TRPM3: variants seen among roughly 807,000 people sequenced by gnomAD.
TRPM3 encodes long transient receptor potential channel 3.
A neutral mutation model predicts 181.2 loss-of-function variants in TRPM3; 77 were observed. The ratio of observed to expected loss-of-function variants is 0.42; its 90% CI spans 0.35 to 0.51. The LOEUF (loss-of-function observed/expected upper bound fraction) is 0.51. TRPM3 is among the 20% of genes least tolerant of loss of function. TRPM3 has a pLI of 0.01. For synonymous variants in TRPM3, 745 were observed against 796.4 expected, an observed-to-expected ratio of 0.94 and a Z score of 1.09; for missense variants, 1,759 against 2,196.7, an observed-to-expected ratio of 0.80 and a Z score of 3.98.
At position 71,250,800 on chromosome 9, in the gene TRPM3, G is replaced by T. The variant is rs570421050; in HGVS notation, c.183+195853C>A. Among the ~76,000 whole-genome samples the T allele has an allele frequency of 1.8e-4, 28 of 152,182 alleles. 1 individual carries two copies. Among genetic ancestry groups the T allele is most frequent in the Non-Finnish European group, 3.5e-4 (24 of 68,022 alleles). ...GCAAAGGTCCTAAGATTCATTGGGGGAGGGGAGGTAGGCAGAGTAGCTACA... is the reference window on the plus strand; with the variant it reads ...GCAAAGGTCCTAAGATTCATTGGGGTAGGGGAGGTAGGCAGAGTAGCTACA... On this transcript the variant is annotated intron_variant, in intron 1 of 24. Transcript: ENST00000357533.
intron 8 of TRPM3, among the ~76,000 whole-genome samples, chr9:70,752,803 T>C (rs2076414724): frequency 6.6e-6 from 1 of 152,118 alleles, no homozygotes; most frequent in South Asian, 2.1e-4. Flanking sequence ...CTATGTTGTC[T>C]AGGTTTTTAG....
At chr9:71,099,320 C>T (rs113121625) in intron 1 of TRPM3, among the ~76,000 whole-genome samples, 1 of 152,172 alleles carries the variant, frequency 6.6e-6, no homozygotes, top group African/African-American at 2.4e-5. Context: ...TAGTTACCTC[C>T]CCAAAGATTC....
chr9:71,040,653 C>T (rs780485718), intron 1 of TRPM3, among the ~76,000 whole-genome samples: 12 of 152,132 alleles, frequency 7.9e-5, no homozygotes, highest in Non-Finnish European at 1.6e-4. Flanking sequence ...ATATTTACAT[C>T]ATTGCAAAAT....
intron 9 of TRPM3, among the ~76,000 whole-genome samples, chr9:70,681,055 TC>T (rs140741753): frequency 0.067 from 10,218 of 152,198 alleles, 479 homozygotes; most frequent in African/African-American, 0.13. Flanking sequence ...TTCTCCTTCT[TC>T]TCAATGGTTT....
chr9:71,122,066 A>G (rs1229853061), upstream of TRPM3, among the ~76,000 whole-genome samples: 2 of 152,206 alleles, frequency 1.3e-5, no homozygotes, highest in East Asian at 3.9e-4. Flanking sequence ...CATACAAAGC[A>G]GTTTAAACTC....
chr9:70,565,229 A>G (rs2050245443), intron 22 of TRPM3, among the ~76,000 whole-genome samples: 1 of 152,240 alleles, frequency 6.6e-6, no homozygotes, highest in Non-Finnish European at 1.5e-5. Flanking sequence ...TCCCAGAGCA[A>G]CATTGACACG....
At chr9:71,299,066 A>G (rs1565437790) in intron 1 of TRPM3, among the ~76,000 whole-genome samples, 1 of 152,150 alleles carries the variant, frequency 6.6e-6, no homozygotes, top group Non-Finnish European at 1.5e-5. Context: ...TTTCTACTCA[A>G]GATCAGAACT....
At chr9:70,974,265 C>A (rs1344973984) in intron 1 of TRPM3, among the ~76,000 whole-genome samples, 2 of 151,968 alleles carry the variant, frequency 1.3e-5, no homozygotes, top group Non-Finnish European at 2.9e-5. Flanking sequence ...CGTGGCCGGG[C>A]GCGGTGGTTC....
rs1386288983 is a variant in TRPM3, at chr9:70,798,945, C to T, written c.974-14666G>A. Among the ~76,000 whole-genome samples the T allele has an allele frequency of 3.3e-5, 5 of 152,266 alleles. No homozygotes were observed. In the East Asian group the frequency reaches 7.7e-4, roughly 23 times the overall value. ...TTTCACCTGTCCATCTGGATTACATCTGAAAGAGCCCAGATTCTTAGGGAC... is the reference window on the plus strand; with the variant it reads ...TTTCACCTGTCCATCTGGATTACATTTGAAAGAGCCCAGATTCTTAGGGAC... On this transcript the variant is annotated intron_variant, in intron 6 of 25. Transcript: ENST00000677713.
At chr9:70,830,519 T>C (rs1159847228) in intron 5 of TRPM3, among the ~76,000 whole-genome samples, 4 of 152,200 alleles carry the variant, frequency 2.6e-5, no homozygotes, top group African/African-American at 9.7e-5. Flanking sequence ...TCCCTATTTC[T>C]TTTGATCTTA....
chr9:70,807,746 C>T (rs941297936), intron 6 of TRPM3, among the ~76,000 whole-genome samples: 1 of 152,008 alleles, frequency 6.6e-6, no homozygotes, highest in African/African-American at 2.4e-5. Context: ...CTCCATTCTA[C>T]CAAAAGGAGC....
chr9:71,179,576 G>C (rs2077283595), intron 1 of TRPM3, among the ~76,000 whole-genome samples: 1 of 152,154 alleles, frequency 6.6e-6, no homozygotes, highest in African/African-American at 2.4e-5. Flanking sequence ...ATTAGATTTT[G>C]AGAAATGAAA....
At chr9:70,849,186 C>G (rs1172679615) in intron 3 of TRPM3, among the ~76,000 whole-genome samples, 2 of 152,086 alleles carry the variant, frequency 1.3e-5, no homozygotes, top group African/African-American at 4.8e-5. Context: ...GCACTGTTGC[C>G]TGGGCTGGAA....
intron 6 of TRPM3, among the ~76,000 whole-genome samples, chr9:70,800,565 CTCT>C (rs778270881): frequency 2.6e-5 from 4 of 152,156 alleles, no homozygotes; most frequent in African/African-American, 9.7e-5. Flanking sequence ...ACCAACCCTC[CTCT>C]TCTTCTTTCT....
At chr9:71,253,483 G>C (rs72733873) in intron 1 of TRPM3, among the ~76,000 whole-genome samples, 12,788 of 152,126 alleles carry the variant, frequency 0.084, 620 homozygotes, top group Non-Finnish European at 0.1. Flanking sequence ...CCACTTATAA[G>C]CATTACATAG....
intron 22 of TRPM3, among the ~76,000 whole-genome samples, chr9:70,579,747 T>C (rs1229296296): frequency 1.3e-5 from 2 of 152,192 alleles, no homozygotes; most frequent in Non-Finnish European, 2.9e-5. Flanking sequence ...GCAGGCAGCG[T>C]AGAAGACAGT....
At chr9:70,667,528 A>AGACC (rs1243195703) in intron 9 of TRPM3, among the ~76,000 whole-genome samples, 1 of 152,166 alleles carries the variant, frequency 6.6e-6, no homozygotes, top group Non-Finnish European at 1.5e-5. Context: ...TGGTTCCCCT[A>AGACC]GACCAGAAAA....
intron 5 of TRPM3, among the ~76,000 whole-genome samples, chr9:70,833,741 G>A (rs778421132): frequency 5.3e-5 from 8 of 152,162 alleles, no homozygotes; most frequent in Non-Finnish European, 1.5e-5. Context: ...GGATATGAAA[G>A]TCCTTCTAAT....
intron 25 of TRPM3, among the ~76,000 whole-genome samples, chr9:70,539,625 C>G (rs1440154730): frequency 1.3e-5 from 2 of 152,160 alleles, no homozygotes; most frequent in Non-Finnish European, 2.9e-5. Context: ...GCCATGCACT[C>G]AGCTGACACA....
Sources: gnomAD v4.1 joint callset for allele counts (sites outside exome capture counted in the v4.1 genomes callset) on GRCh38, gnomAD v4.1.1 for gene constraint, MANE v1.5 for transcripts, NCBI Gene and HGNC (gene_info 2026-07-23, HGNC 2026-07-21) for gene names.